Variants in XPO4 observed in about 807,000 individuals in gnomAD.
The protein encoded by XPO4 is exportin 4.
A neutral mutation model predicts 143.0 loss-of-function variants in XPO4; 39 were observed. The ratio of observed to expected loss-of-function variants is 0.27; its 90% CI spans 0.21 to 0.36. The LOEUF is 0.36. XPO4 is among the 10% of genes least tolerant of loss of function. The probability of loss-of-function intolerance (pLI) is 1.00; values close to 1 mark genes in which losing one functional copy is unlikely to be tolerated. For missense variants in XPO4, 907 were observed against 1,348.0 expected, an observed-to-expected ratio of 0.67 and a Z score of 5.12; for synonymous variants, 439 against 474.0, an observed-to-expected ratio of 0.93 and a Z score of 0.96.
chr13:20,862,562 A>C (rs73167455), intron 3 of XPO4, among the ~76,000 whole-genome samples, 155 bp downstream of exon 3: 1 of 152,178 alleles, frequency 6.6e-6, no homozygotes, highest in Non-Finnish European at 1.5e-5. Flanking sequence ...TCCTGGGCTC[A>C]AGGAGATCCT....
At chr13:20,877,720 A>G (rs967871422) in intron 1 of XPO4, among the ~76,000 whole-genome samples, 1 of 152,192 alleles carries the variant, frequency 6.6e-6, no homozygotes, top group Admixed American at 6.6e-5. Context: ...ACATGCTGCC[A>G]AACCTAATCC....
Position 20,852,132 on chromosome 13 carries a change from C to T in XPO4, c.456+3495G>A. The T allele has an allele frequency of 3.0e-6, 3 of 985,410 alleles. No individual in the cohort carries two copies. In the South Asian group the frequency reaches 1.4e-4, roughly 46 times the overall value. The allele number at this position is 985,410 out of a possible 1,614,324, so 61.0% of individuals were successfully genotyped here. ...TAAATTCTACCCCAATACCAAAATC[C>T]TGGCTGGAATGATCACCAAACTAAC... On this transcript the variant is annotated intron_variant, in intron 4 of 22. Transcript: ENST00000255305.
chr13:20,786,812 T>C (rs1321143414), intron 22 of XPO4, among the ~76,000 whole-genome samples, 153 bp downstream of exon 22: 1 of 152,144 alleles, frequency 6.6e-6, no homozygotes, highest in Non-Finnish European at 1.5e-5. Context: ...TGAAAGCTAA[T>C]AAAGAAGCTA....
At chr13:20,808,409 C>A in intron 12 of XPO4, 27 bp downstream of exon 12, 3 of 1,495,922 alleles carry the variant, frequency 2.0e-6, no homozygotes, top group South Asian at 1.4e-5. Context: ...TTGGCAATTA[C>A]ATTTTAAAAA....
chr13:20,793,769 A>C lies in XPO4; in HGVS notation c.2797+2307T>G, dbSNP rs185254789. ...CAATGTAAATGATCTGAAACATTTC[A>C]CCCTTAACCAAAGAAGACTCCCAGG... On this transcript the variant is annotated intron_variant, in intron 18 of 22. Coordinates refer to ENST00000255305, the MANE Select transcript of XPO4 (RefSeq NM_022459.5). 1.0e-3 allele frequency among the ~76,000 whole-genome samples: 154 copies of C among 152,316 alleles called. 1 individual carries two copies. The highest frequency in any genetic ancestry group is 3.6e-3 in the African/African-American group (149 of 41,566).
At chr13:20,790,722 G>A (rs1346256907) in intron 18 of XPO4, 142 bp from the exon 19 acceptor site, 3 of 677,016 alleles carry the variant, frequency 4.4e-6, no homozygotes, top group African/African-American at 1.8e-5. Flanking sequence ...ACCTCGTCCT[G>A]CCTGGTCTCT....
chr13:20,844,911 C>A (rs1160797796), intron 4 of XPO4, among the ~76,000 whole-genome samples: 1 of 152,186 alleles, frequency 6.6e-6, no homozygotes, highest in Non-Finnish European at 1.5e-5. Flanking sequence ...GTGGCTCATG[C>A]CTGTAATCCC....
chr13:20,891,122 TAAAAAAAAAAAAAA>T lies in XPO4; in HGVS notation c.69+11534_69+11547del, dbSNP rs57528913. Among the ~76,000 whole-genome samples the T allele has an allele frequency of 1.8e-3, 156 of 86,010 alleles. 4 individuals are homozygous for T. The South Asian group carries it at 0.051, about 28-fold the overall frequency. The allele number at this position is 86,010 out of a possible 152,430, so 56.4% of individuals were successfully genotyped here. On this transcript the variant is annotated intron_variant, in intron 1 of 22. Transcript: ENST00000255305. ...ACAAGAGCAAAACTCCATCTCAATT[TAAAAAAAAAAAAAA>T]AAAAAAAAAAAAAAGAACAAACGGC...
intron 1 of XPO4, chr13:20,879,420 C>T (rs1230914627): frequency 1.5e-6 from 1 of 683,204 alleles, no homozygotes; most frequent in Non-Finnish European, 1.8e-6. Context: ...AGGCCTATGA[C>T]AGGTCTCTTG....
At chr13:20,812,010 A>G (rs1302031492) in intron 9 of XPO4, among the ~76,000 whole-genome samples, 33 of 152,226 alleles carry the variant, frequency 2.2e-4, no homozygotes, top group Non-Finnish European at 1.5e-5. Context: ...TCGTCAGCAC[A>G]CAGATACCTA....
At chr13:20,888,426 C>T (rs1171537291) in intron 1 of XPO4, among the ~76,000 whole-genome samples, 2 of 152,186 alleles carry the variant, frequency 1.3e-5, no homozygotes, top group Non-Finnish European at 1.5e-5. Flanking sequence ...TCATACCTCA[C>T]TGCAACTTTG....
chr13:20,807,703 T>C, intron 12 of XPO4, 69 bp from the exon 13 acceptor site: 1 of 1,244,696 alleles, frequency 8.0e-7, no homozygotes. Flanking sequence ...ACTATAAATG[T>C]TTTCAGTTTG....
At chr13:20,834,271 C>T (rs531402022) in intron 6 of XPO4, among the ~76,000 whole-genome samples, 22 of 152,150 alleles carry the variant, frequency 1.4e-4, no homozygotes, top group African/African-American at 4.8e-4. Context: ...GCAAGTTCAG[C>T]AAGATTACAG....
rs1455320788 is a variant in XPO4, at chr13:20,783,909, G to C, written c.3269C>G (p.Ser1090Cys). Residue 1090 changes from serine to cysteine, a missense_variant, in exon 23 of 23, where the codon TCT becomes TGT. Coordinates refer to ENST00000255305, the MANE Select transcript of XPO4 (RefSeq NM_022459.5). Reference protein sequence around the residue: ...TLVCLHQAEYSELVETLLSSQ... With the variant: ...TLVCLHQAEYCELVETLLSSQ... Reference sequence around the variant, plus strand: ...TGATAGTAATGTTTCGACCAGTTCAGAATATTCAGCCTATTGAAGAGATAA... The same window carrying C: ...TGATAGTAATGTTTCGACCAGTTCACAATATTCAGCCTATTGAAGAGATAA... 6.2e-7 allele frequency: 1 copy of C among 1,614,094 alleles called. No individual in the cohort carries two copies. The highest frequency in any genetic ancestry group is 8.5e-7 in the Non-Finnish European group (1 of 1,179,986).
intron 4 of XPO4, chr13:20,849,198 T>A (rs1176127920): frequency 1.0e-6 from 1 of 985,304 alleles, no homozygotes; most frequent in Non-Finnish European, 1.2e-6. Flanking sequence ...AAGAATAAAC[T>A]TTATGAAAGG....
intron 4 of XPO4, chr13:20,850,171 A>C (rs958784187): frequency 5.1e-6 from 5 of 985,082 alleles, no homozygotes; most frequent in Non-Finnish European, 6.0e-6. Flanking sequence ...GCTTTTCCAT[A>C]CTTAAAATAT....
At chr13:20,861,914 G>T (rs4770076) in intron 3 of XPO4, among the ~76,000 whole-genome samples, 107 of 150,090 alleles carry the variant, frequency 7.1e-4, no homozygotes, top group Admixed American at 6.6e-3. Flanking sequence ...TCAGACTCCC[G>T]AGTAGCTGGG....
chr13:20,853,336 C>CA (rs56312143), intron 4 of XPO4, among the ~76,000 whole-genome samples: 2,275 of 101,928 alleles, frequency 0.022, 131 homozygotes, highest in African/African-American at 0.079. Flanking sequence ...GACCCTGTCT[C>CA]AAAAAAAAAA....
At chr13:20,897,901 C>T (rs1193591312) in intron 1 of XPO4, among the ~76,000 whole-genome samples, 1 of 152,156 alleles carries the variant, frequency 6.6e-6, no homozygotes, top group Non-Finnish European at 1.5e-5. Flanking sequence ...TATAGGTATG[C>T]ACCACCTCGC....
Sources: allele counts gnomAD v4.1 joint callset (sites outside exome capture counted in the v4.1 genomes callset), GRCh38; gene constraint gnomAD v4.1.1; transcripts MANE v1.5; gene names NCBI Gene and HGNC (gene_info 2026-07-23, HGNC 2026-07-21).